Variants in MBOAT2 observed in about 807,000 individuals in gnomAD.
MBOAT2 encodes the protein membrane-bound glycerophospholipid O-acyltransferase 2.
A neutral mutation model predicts 63.4 loss-of-function variants in MBOAT2; 28 were observed. The ratio of observed to expected loss-of-function variants is 0.44; its 90% CI spans 0.33 to 0.61. The LOEUF is 0.61. MBOAT2 is among the 20% of genes least tolerant of loss of function. The pLI is 0.03. For synonymous variants in MBOAT2, 211 were observed against 215.6 expected, an observed-to-expected ratio of 0.98 and a Z score of 0.19; for missense variants, 470 against 605.8, an observed-to-expected ratio of 0.78 and a Z score of 2.35.
At chr2:8,960,436 CAG>C (rs1669526560) in intron 1 of MBOAT2, among the ~76,000 whole-genome samples, 1 of 152,150 alleles carries the variant, frequency 6.6e-6, no homozygotes, top group African/African-American at 2.4e-5. Context: ...AACCCAACAT[CAG>C]AGTCTTTTTA....
intron 4 of MBOAT2, among the ~76,000 whole-genome samples, chr2:8,894,711 G>A (rs917041632): frequency 6.6e-6 from 1 of 152,226 alleles, no homozygotes; most frequent in African/African-American, 2.4e-5. Context: ...GACCCTCACG[G>A]TGACAGTTCT....
chr2:8,915,622 G>A (rs72771520), intron 3 of MBOAT2, among the ~76,000 whole-genome samples: 4,742 of 152,236 alleles, frequency 0.031, 130 homozygotes, highest in Non-Finnish European at 0.046. Flanking sequence ...TTAGACTGCA[G>A]GGAAGGGTGT....
chr2:8,974,511 A>G, intron 1 of MBOAT2: 1 of 445,752 alleles, frequency 2.2e-6, no homozygotes, highest in Admixed American at 2.4e-5. Context: ...GAGCCACTGA[A>G]TTAACCAATC....
In MBOAT2 at chr2:8,986,584, C is replaced by T. The variant is rs577957840; in HGVS notation, c.75+16956G>A. On this transcript the variant is annotated intron_variant, in intron 1 of 12. Coordinates refer to ENST00000305997, the MANE Select transcript of MBOAT2 (RefSeq NM_138799.4). ...TGTCTTTAAAAAAAAAAAAGTAATA[C>T]GGTAGCCTGCATAAGATCCAGGAAC... Among the ~76,000 whole-genome samples the T allele has an allele frequency of 1.3e-4, 20 of 151,764 alleles. No homozygotes were observed. The South Asian group carries it at 3.7e-3, about 28-fold the overall frequency.
At chr2:8,876,268 C>G (rs150410452) in intron 7 of MBOAT2, among the ~76,000 whole-genome samples, 1 of 152,310 alleles carries the variant, frequency 6.6e-6, no homozygotes, top group Admixed American at 6.5e-5. Context: ...GACTTGAAAC[C>G]AGATTGCACT....
At chr2:8,900,452 A>G (rs1234487953) in intron 4 of MBOAT2, among the ~76,000 whole-genome samples, 1 of 152,156 alleles carries the variant, frequency 6.6e-6, no homozygotes, top group South Asian at 2.1e-4. Context: ...ATCATCTGAA[A>G]ACTTCCCCAG....
chr2:8,943,973 C>T (rs1260563048), intron 2 of MBOAT2, among the ~76,000 whole-genome samples: 5 of 152,098 alleles, frequency 3.3e-5, no homozygotes, highest in Non-Finnish European at 5.9e-5. Flanking sequence ...AAGTGATTCT[C>T]CTGCCTCAGC....
At chr2:8,979,837 GCAAGACTCAA>G (rs1671078991) in intron 1 of MBOAT2, among the ~76,000 whole-genome samples, 1 of 152,052 alleles carries the variant, frequency 6.6e-6, no homozygotes, top group Non-Finnish European at 1.5e-5. Flanking sequence ...TGCTGACAAC[GCAAGACTCAA>G]CATGGAGTCC....
At chr2:8,938,419 CT>C (rs1667810803) in intron 3 of MBOAT2, among the ~76,000 whole-genome samples, 1 of 152,170 alleles carries the variant, frequency 6.6e-6, no homozygotes, top group Non-Finnish European at 1.5e-5. Flanking sequence ...TCACCACCCC[CT>C]ATAGTCAGGC....
chr2:8,861,990 G>C (rs548439534), intron 11 of MBOAT2, among the ~76,000 whole-genome samples: 1 of 152,338 alleles, frequency 6.6e-6, no homozygotes, highest in Non-Finnish European at 1.5e-5. Flanking sequence ...GCCATTACCA[G>C]CTTGTTCAAA....
At chr2:8,915,527 G>A (rs1018488875) in intron 3 of MBOAT2, among the ~76,000 whole-genome samples, 1 of 151,966 alleles carries the variant, frequency 6.6e-6, no homozygotes, top group Admixed American at 6.6e-5. Context: ...AGGTGGTGGG[G>A]GTTTTTTTGT....
intron 10 of MBOAT2, among the ~76,000 whole-genome samples, chr2:8,863,467 G>A (rs914918855): frequency 1.1e-4 from 17 of 152,134 alleles, no homozygotes; most frequent in African/African-American, 4.1e-4. Flanking sequence ...CTGTTCCCCA[G>A]CTCTGTCCTT....
At chr2:8,922,660 C>T (rs1388186159) in intron 3 of MBOAT2, among the ~76,000 whole-genome samples, 5 of 152,168 alleles carry the variant, frequency 3.3e-5, no homozygotes, top group Non-Finnish European at 7.3e-5. Flanking sequence ...CTCAAACACC[C>T]GAAGCCAGTA....
At chr2:8,939,345 G>C (rs1477733336) in intron 3 of MBOAT2, among the ~76,000 whole-genome samples, 1 of 152,210 alleles carries the variant, frequency 6.6e-6, no homozygotes, top group Non-Finnish European at 1.5e-5. Context: ...GGTGGCACTT[G>C]AGTAAATCCT....
intron 1 of MBOAT2, among the ~76,000 whole-genome samples, chr2:8,975,925 T>C (rs946172947): frequency 6.6e-5 from 10 of 152,104 alleles, no homozygotes; most frequent in African/African-American, 1.9e-4. Context: ...TCCTGAATTA[T>C]ATGGCCACTG....
At position 8,856,746 on chromosome 2, in the gene MBOAT2, G is replaced by T. The variant is rs1196268425; in HGVS notation, c.*1933C>A. On this transcript the variant is annotated 3_prime_UTR_variant, in exon 13 of 13. Coordinates refer to ENST00000305997, the MANE Select transcript of MBOAT2 (RefSeq NM_138799.4). The surrounding 1 kb of genome is among the most constrained non-coding windows in gnomAD (Gnocchi z 4.2). Reference sequence around the variant, plus strand: ...ATTTTTGTGTTTTCAGTAGAGACGGGGATTCACCACGTTGGCCAGGCTGGT... The same window carrying T: ...ATTTTTGTGTTTTCAGTAGAGACGGTGATTCACCACGTTGGCCAGGCTGGT... 1 of 151,966 alleles carries T rather than the reference G, an allele frequency of 6.6e-6. No individual in the cohort carries two copies. The highest frequency in any genetic ancestry group is 6.6e-5 in the Admixed American group (1 of 15,246). The allele number at this position is 151,966 out of a possible 1,614,324, so 9.4% of individuals were successfully genotyped here.
chr2:8,962,969 G>A (rs77046997), intron 1 of MBOAT2, among the ~76,000 whole-genome samples: 4,274 of 152,176 alleles, frequency 0.028, 208 homozygotes, highest in African/African-American at 0.097. Context: ...AGGGCCGAGC[G>A]AGGTGGCTCC....
intron 1 of MBOAT2, among the ~76,000 whole-genome samples, chr2:8,971,033 T>G (rs1285649191): frequency 6.6e-6 from 1 of 152,226 alleles, no homozygotes; most frequent in Non-Finnish European, 1.5e-5. Flanking sequence ...AGGATCATCC[T>G]GATACCAAAG....
chr2:8,978,681 G>T (rs183101260), intron 1 of MBOAT2, among the ~76,000 whole-genome samples: 119 of 152,206 alleles, frequency 7.8e-4, no homozygotes, highest in Non-Finnish European at 1.3e-3. Context: ...GGAGTGAGCG[G>T]AGAGAGAGCA....
Sources: gnomAD v4.1 joint callset for allele counts (sites outside exome capture counted in the v4.1 genomes callset) on GRCh38, gnomAD v4.1.1 for gene constraint, Gnocchi (gnomAD v3.1) non-coding constraint, MANE v1.5 for transcripts, NCBI Gene and HGNC (gene_info 2026-07-23, HGNC 2026-07-21) for gene names.